AP3D1: variants seen among roughly 807,000 people sequenced by gnomAD.
AP3D1 encodes adaptor related protein complex 3 subunit delta 1.
AP3D1 carries 51 observed loss-of-function variants against 147.6 expected under a neutral mutation model. The observed-to-expected ratio is 0.35, with a 90% confidence interval of 0.28 to 0.44. AP3D1 has a LOEUF of 0.44. Ranked by LOEUF, AP3D1 falls within the 20% of genes least tolerant of loss-of-function variation. AP3D1 has a pLI of 1.00. For synonymous variants in AP3D1, 760 were observed against 663.0 expected (o/e 1.15, Z -2.25); for missense variants, 1,421 against 1,624.2 (o/e 0.87, Z 2.15).
intron 4 of AP3D1, among the ~76,000 whole-genome samples, chr19:2,132,985 C>T (rs1189468456): frequency 6.6e-6 from 1 of 152,216 alleles, no homozygotes; most frequent in East Asian, 1.9e-4. Flanking sequence ...CTGGCACCTC[C>T]TGGGACAGAG....
intron 1 of AP3D1, chr19:2,164,324 G>A (rs2019824121): frequency 1.7e-6 from 2 of 1,191,274 alleles, no homozygotes; most frequent in East Asian, 3.2e-5. Flanking sequence ...CCGCCCCTGG[G>A]GACACCCCAA....
rs200458511 is a variant in AP3D1 at position 2,115,305 on chromosome 19, G to A, written c.2263C>T (p.Arg755Cys). The change falls in exon 20 of 32, where the codon CGC becomes TGC. Residue 755 changes from arginine to cysteine, a missense_variant. This residue lies in a region of AP3D1 where 791 missense variants were observed against 761.4 expected (regional missense o/e 1.04). Coordinates refer to ENST00000643116, the MANE Select transcript of AP3D1 (RefSeq NM_001261826.3). Reference protein sequence around the residue: ...KRKEKEKKGKRRHSSLPTESD... With the variant: ...KRKEKEKKGKCRHSSLPTESD... Reference sequence around the variant, plus strand: ...TCCGTGGGCAGCGAGCTGTGGCGGCGCTTGCCCTTCTTCTCCTTCTCCTTC... The same window carrying A: ...TCCGTGGGCAGCGAGCTGTGGCGGCACTTGCCCTTCTTCTCCTTCTCCTTC... 1.8e-4 allele frequency: 291 copies of A among 1,612,652 alleles called. 1 individual carries two copies. Among genetic ancestry groups the A allele is most frequent in the Non-Finnish European group, 2.3e-4 (272 of 1,179,974 alleles).
chr19:2,162,019 A>G (rs1161023449), intron 1 of AP3D1, among the ~76,000 whole-genome samples: 1 of 151,446 alleles, frequency 6.6e-6, no homozygotes, highest in Non-Finnish European at 1.5e-5. Flanking sequence ...AACAACAAAG[A>G]AAAAGCCCAT....
upstream of AP3D1, among the ~76,000 whole-genome samples, chr19:2,152,876 CA>C (rs1164542337): frequency 6.6e-6 from 1 of 150,606 alleles, no homozygotes; most frequent in Non-Finnish European, 1.5e-5. Flanking sequence ...ACTCTTGTCT[CA>C]AAAAAACAAA....
intron 21 of AP3D1, 77 bp from the exon 22 acceptor site, chr19:2,114,379 A>C: frequency 1.6e-6 from 2 of 1,254,556 alleles, no homozygotes; most frequent in Non-Finnish European, 2.3e-6. Flanking sequence ...GCCGTGTCCA[A>C]GCATGTGGCA....
intron 2 of AP3D1, among the ~76,000 whole-genome samples, chr19:2,138,377 C>T (rs2019131780): frequency 1.3e-5 from 2 of 152,338 alleles, no homozygotes; most frequent in East Asian, 3.9e-4. Context: ...AGAAGAGGAC[C>T]CCATGGGGCT....
At chr19:2,154,027 A>G (rs1230584847), upstream of AP3D1, among the ~76,000 whole-genome samples, 1 of 150,182 alleles carries the variant, frequency 6.7e-6, no homozygotes, top group Non-Finnish European at 1.5e-5. Flanking sequence ...AGCTCACTGC[A>G]ACCTCTGCCT....
At position 2,130,392 on chromosome 19, in the gene AP3D1, A is replaced by G; in HGVS notation, c.592+16T>C. ...CCCCCACCCTCAACCCTGAGGCTTA[A>G]CTCAAATCCACAAACCGGGGTCGGG... On this transcript the variant is annotated intron_variant, in intron 6 of 31. Coordinates refer to ENST00000643116, the MANE Select transcript of AP3D1 (RefSeq NM_001261826.3). 1 of 1,613,656 alleles carries G rather than the reference A, an allele frequency of 6.2e-7. No homozygotes were observed. Among genetic ancestry groups the G allele is most frequent in the East Asian group, 2.2e-5 (1 of 44,872 alleles).
intron 4 of AP3D1, among the ~76,000 whole-genome samples, chr19:2,134,565 T>C (rs1206140382): frequency 6.7e-6 from 1 of 150,298 alleles, no homozygotes; most frequent in Non-Finnish European, 1.5e-5. Flanking sequence ...TGAAATCCTG[T>C]CTGTACTAAA....
chr19:2,119,003 G>A (rs979419111), intron 14 of AP3D1, among the ~76,000 whole-genome samples, 171 bp from the exon 15 acceptor site: 2 of 152,202 alleles, frequency 1.3e-5, no homozygotes, highest in South Asian at 2.1e-4. Flanking sequence ...ACCACAGGCC[G>A]TCAACAGCCC....
At chr19:2,158,833 T>C (rs1313469539) in intron 1 of AP3D1, among the ~76,000 whole-genome samples, 1 of 152,134 alleles carries the variant, frequency 6.6e-6, no homozygotes, top group African/African-American at 2.4e-5. Flanking sequence ...AGGAGTTTGT[T>C]TGGGGAAAGC....
At position 2,109,050 on chromosome 19, in the gene AP3D1, G is replaced by C. The variant is rs771758918; in HGVS notation, c.3472+36C>G. 4 of 1,604,412 alleles carry C rather than the reference G, an allele frequency of 2.5e-6. No homozygotes were observed. The Admixed American group carries it at 7.1e-5, about 28-fold the overall frequency. On this transcript the variant is annotated intron_variant, in intron 30 of 31. Transcript: ENST00000643116. ...AGGGACAGCTGCCGCGTGCGTGAAAGCCCCGTGCAATCCATCAGCCCCTCA... is the reference window on the plus strand; with the variant it reads ...AGGGACAGCTGCCGCGTGCGTGAAACCCCCGTGCAATCCATCAGCCCCTCA...
rs2018908376 is a variant in AP3D1, at chr19:2,130,481, C to T, written c.519G>A (p.Val173=). The T allele has an allele frequency of 3.1e-6, 5 of 1,613,972 alleles. No homozygotes were observed. Among genetic ancestry groups the T allele is most frequent in the East Asian group, 2.2e-5 (1 of 44,902 alleles). Reference sequence around the variant, plus strand: ...GCAGCGACTCGGGGTACTTCAGGAACACCTTGTACATGATCAGCACAGCCT... The same window carrying T: ...GCAGCGACTCGGGGTACTTCAGGAATACCTTGTACATGATCAGCACAGCCT... The part of the protein sequence containing the change: ...RKKAVLIMYK[V]FLKYPESLRP... The change falls in exon 6 of 32, where the codon GTG becomes GTA. Residue 173 remains valine (V), a synonymous_variant. Coordinates refer to ENST00000643116, the MANE Select transcript of AP3D1 (RefSeq NM_001261826.3).
chr19:2,110,357 C>A, intron 27 of AP3D1, 133 bp from the exon 28 acceptor site: 1 of 767,228 alleles, frequency 1.3e-6, no homozygotes, highest in South Asian at 1.5e-5. Context: ...AAGGGAGCAC[C>A]AGGGGACAGG....
intron 22 of AP3D1, among the ~76,000 whole-genome samples, 172 bp downstream of exon 22, chr19:2,113,953 C>T (rs956788765): frequency 3.3e-5 from 5 of 152,104 alleles, no homozygotes; most frequent in Admixed American, 3.3e-4. Context: ...GCACAGTCAG[C>T]TCCCCTCAGA....
intron 1 of AP3D1, 56 bp downstream of exon 1, chr19:2,151,183 G>C (rs960187471): frequency 2.9e-5 from 45 of 1,535,434 alleles, no homozygotes; most frequent in Non-Finnish European, 3.6e-5. Flanking sequence ...AGCAGGGCTG[G>C]GCCCTGGGCC....
At chr19:2,163,760 G>C (rs1034267332) in intron 1 of AP3D1, among the ~76,000 whole-genome samples, 1 of 151,658 alleles carries the variant, frequency 6.6e-6, no homozygotes, top group Non-Finnish European at 1.5e-5. Flanking sequence ...CCGAGGACGT[G>C]CGTGCGTACG....
At chr19:2,150,402 G>A (rs1405148425) in intron 1 of AP3D1, among the ~76,000 whole-genome samples, 1 of 152,198 alleles carries the variant, frequency 6.6e-6, no homozygotes, top group Non-Finnish European at 1.5e-5. Context: ...TTCAATCTAG[G>A]TCACAGGTTG....
In AP3D1 at chr19:2,151,220, C is replaced by T. The variant is rs1206493501; in HGVS notation, c.96+19G>A. ...GGGCTGTGACCAGGCCGAGCAGCCC[C>T]TTGGCGCGCCGGGCTCACCTCGTCC... On this transcript the variant is annotated intron_variant, in intron 1 of 31. Transcript: ENST00000643116. The T allele has an allele frequency of 5.0e-6, 8 of 1,606,238 alleles. No homozygotes were observed. Among genetic ancestry groups the T allele is most frequent in the Admixed American group, 1.7e-5 (1 of 59,470 alleles).
Sources: allele counts gnomAD v4.1 joint callset (sites outside exome capture counted in the v4.1 genomes callset), GRCh38; gene constraint gnomAD v4.1.1; regional missense constraint gnomAD v4.1.1; transcripts MANE v1.5; gene names NCBI Gene and HGNC (gene_info 2026-07-23, HGNC 2026-07-21).